Variants in PPFIA2 observed in about 807,000 individuals in gnomAD.
The protein encoded by PPFIA2 is liprin-alpha-2.
In PPFIA2, 46 loss-of-function variants were observed where a neutral mutation model predicts 175.5. That is an observed-to-expected ratio of 0.26 (90% CI 0.21 to 0.34). The LOEUF is 0.34. Ranked by LOEUF, PPFIA2 falls within the 10% of genes least tolerant of loss-of-function variation. PPFIA2 has a pLI of 1.00. For missense variants in PPFIA2, 1,179 were observed against 1,506.1 expected (o/e 0.78, Z 3.60); for synonymous variants, 568 against 511.4 (o/e 1.11, Z -1.49).
At chr12:81,504,658 A>G (rs538842506) in intron 4 of PPFIA2, among the ~76,000 whole-genome samples, 64 of 152,246 alleles carry the variant, frequency 4.2e-4, no homozygotes, top group Non-Finnish European at 8.2e-4. Context: ...ATACTCAAAG[A>G]ATTATAAATC....
rs546774648 is a variant in PPFIA2, at chr12:81,500,099, C to T, written c.304-42233G>A. On this transcript the variant is annotated intron_variant, in intron 4 of 32. Transcript: ENST00000549396. ...TTTCACCACTAACAAATATTCACGGCCTCATGTTTTCCCGGCACATAGTGA... is the reference window on the plus strand; with the variant it reads ...TTTCACCACTAACAAATATTCACGGTCTCATGTTTTCCCGGCACATAGTGA... 9.2e-5 allele frequency among the ~76,000 whole-genome samples: 14 copies of T among 152,248 alleles called. No individual in the cohort carries two copies. The South Asian group carries it at 2.9e-3, about 32-fold the overall frequency.
At chr12:81,306,771 G>A (rs1461172203) in intron 22 of PPFIA2, among the ~76,000 whole-genome samples, 1 of 151,712 alleles carries the variant, frequency 6.6e-6, no homozygotes, top group Non-Finnish European at 1.5e-5. Context: ...CGAACTCCTG[G>A]CCTCAAGTGA....
intron 3 of PPFIA2, among the ~76,000 whole-genome samples, chr12:81,705,971 T>C (rs1450305798): frequency 1.3e-5 from 2 of 152,202 alleles, no homozygotes; most frequent in Admixed American, 1.3e-4. Context: ...AATGATATTT[T>C]GGATATATTG....
At chr12:81,530,766 C>T (rs1030333676) in intron 4 of PPFIA2, among the ~76,000 whole-genome samples, 1 of 127,940 alleles carries the variant, frequency 7.8e-6, no homozygotes, top group African/African-American at 3.4e-5. Context: ...AAAAAAAACA[C>T]ATTATATAAT....
At chr12:81,324,196 C>T (rs190523047) in intron 22 of PPFIA2, among the ~76,000 whole-genome samples, 22 of 151,874 alleles carry the variant, frequency 1.4e-4, no homozygotes, top group African/African-American at 4.8e-4. Context: ...AGTTGAGAAA[C>T]GAGTCTATAA....
chr12:81,754,096 C>A lies in PPFIA2; in HGVS notation c.126G>T (p.Arg42Ser). 6.2e-7 allele frequency: 1 copy of A among 1,613,744 alleles called. No individual in the cohort carries two copies. ...CCCGAAGGGTGTCTAGAAGACGATC[C>A]CTTTCATCTAGCATATTCACCATCA... ...EQLMVNMLDERDRLLDTLRET... is the reference protein window; with the variant it reads ...EQLMVNMLDESDRLLDTLRET... Residue 42 changes from arginine (R) to serine (S), a missense_variant, in exon 3 of 33, where the codon AGG (arginine) becomes AGT (serine). Around this residue, in one of 10 missense-constraint regions of PPFIA2, gnomAD observed 128 missense variants for 141.4 expected, o/e 0.91. Coordinates refer to ENST00000549396, the MANE Select transcript of PPFIA2 (RefSeq NM_003625.5).
intron 26 of PPFIA2, among the ~76,000 whole-genome samples, chr12:81,282,060 A>T (rs1413005412): frequency 6.6e-6 from 1 of 152,080 alleles, no homozygotes; most frequent in Non-Finnish European, 1.5e-5. Flanking sequence ...AAGAAGCAGG[A>T]CAGGATCAAA....
At chr12:81,725,268 C>A (rs1009222236) in intron 3 of PPFIA2, among the ~76,000 whole-genome samples, 28 of 150,754 alleles carry the variant, frequency 1.9e-4, no homozygotes, top group Middle Eastern at 3.2e-3. Context: ...TCCCCAAACT[C>A]CCTTAGAAAA....
chr12:81,681,810 TAAA>T (rs934782348), intron 3 of PPFIA2, among the ~76,000 whole-genome samples: 1 of 151,862 alleles, frequency 6.6e-6, no homozygotes, highest in African/African-American at 2.4e-5. Flanking sequence ...CCAATTATGT[TAAA>T]GAAAAATATG....
intron 8 of PPFIA2, among the ~76,000 whole-genome samples, chr12:81,390,998 A>C (rs188126334): frequency 1.2e-4 from 19 of 152,046 alleles, no homozygotes; most frequent in Admixed American, 1.2e-3. Flanking sequence ...AATATTTATT[A>C]ATCACCTACT....
At chr12:81,348,194 T>G (rs1332311581) in intron 17 of PPFIA2, among the ~76,000 whole-genome samples, 2 of 152,176 alleles carry the variant, frequency 1.3e-5, no homozygotes, top group Admixed American at 1.3e-4. Context: ...AGTGAAAGAT[T>G]ATAATTACAT....
chr12:81,684,310 G>T (rs892434248), intron 3 of PPFIA2, among the ~76,000 whole-genome samples: 2 of 152,016 alleles, frequency 1.3e-5, no homozygotes, highest in Non-Finnish European at 2.9e-5. Context: ...AGTTTACAGG[G>T]TCCAGAGAAA....
At chr12:81,577,640 T>C (rs1022435863) in intron 4 of PPFIA2, among the ~76,000 whole-genome samples, 2 of 151,882 alleles carry the variant, frequency 1.3e-5, no homozygotes, top group Non-Finnish European at 2.9e-5. Flanking sequence ...AGAGTATTTA[T>C]GACAATAAAG....
intron 4 of PPFIA2, among the ~76,000 whole-genome samples, chr12:81,638,265 T>TTG (rs2064383778): frequency 6.6e-6 from 1 of 152,146 alleles, no homozygotes. Context: ...ATCATCTGAC[T>TTG]GCATGGCAGA....
intron 3 of PPFIA2, among the ~76,000 whole-genome samples, chr12:81,716,430 A>C (rs1479066260): frequency 1.3e-5 from 2 of 151,726 alleles, no homozygotes; most frequent in Non-Finnish European, 2.9e-5. Context: ...TAAAATTGCC[A>C]AACAGTCCAT....
At chr12:81,586,435 T>G (rs2153435922) in intron 4 of PPFIA2, among the ~76,000 whole-genome samples, 1 of 152,038 alleles carries the variant, frequency 6.6e-6, no homozygotes, top group African/African-American at 2.4e-5. Context: ...TATGCAGCAC[T>G]TAGCATACAA....
At chr12:81,383,890 A>G (rs1595883180) in intron 9 of PPFIA2, 133 bp downstream of exon 9, 1 of 667,932 alleles carries the variant, frequency 1.5e-6, no homozygotes, top group Non-Finnish European at 2.5e-6. Flanking sequence ...AAGTTTCATA[A>G]CTAATATAAT....
intron 4 of PPFIA2, among the ~76,000 whole-genome samples, chr12:81,470,295 T>C (rs1328425802): frequency 6.6e-6 from 1 of 152,204 alleles, no homozygotes; most frequent in Non-Finnish European, 1.5e-5. Context: ...TACACAGCTC[T>C]CTAAAGATAA....
chr12:81,261,817 A>C, intron 32 of PPFIA2, 132 bp downstream of exon 32: 1 of 584,272 alleles, frequency 1.7e-6, no homozygotes. Flanking sequence ...TTTTCCCCTG[A>C]AGCAATTCAA....
Sources: gnomAD v4.1 joint callset for allele counts (sites outside exome capture counted in the v4.1 genomes callset) on GRCh38, gnomAD v4.1.1 for gene constraint, gnomAD v4.1.1 regional missense constraint, MANE v1.5 for transcripts, NCBI Gene and HGNC (gene_info 2026-07-23, HGNC 2026-07-21) for gene names.